Variants in LGSN observed in about 807,000 individuals in gnomAD.
The protein encoded by LGSN is lengsin.
In LGSN, 21 loss-of-function variants were observed where a neutral mutation model predicts 19.5. The ratio of observed to expected loss-of-function variants is 1.07; its 90% CI spans 0.76 to 1.55. The LOEUF (loss-of-function observed/expected upper bound fraction) is 1.55, where lower values mean the gene tolerates loss of function less well. Among genes scored for constraint, LGSN ranks in the 40% most tolerant of loss-of-function variants. LGSN has a pLI of 0.00. For missense variants in LGSN, 673 were observed against 608.5 expected, an observed-to-expected ratio of 1.11 and a Z score of -1.12; for synonymous variants, 257 against 215.6, an observed-to-expected ratio of 1.19 and a Z score of -1.68.
the LGSN span, among the ~76,000 whole-genome samples, chr6:63,472,948 TAAAATA>T: frequency 2.1e-3 from 321 of 150,576 alleles, 1 homozygote; most frequent in Non-Finnish European, 3.3e-3. Flanking sequence ...CTCAAAAAAA[TAAAATA>T]AAAATAAAAA....
chr6:63,296,473 C>T (rs546846579), intron 1 of LGSN, among the ~76,000 whole-genome samples: 6 of 150,992 alleles, frequency 4.0e-5, no homozygotes, highest in African/African-American at 7.3e-5. Flanking sequence ...TTGTTAAATG[C>T]ATATGTATAT....
chr6:63,277,600 C>T lies in LGSN; in HGVS notation c.*2421G>A, dbSNP rs1767136301. On this transcript the variant is annotated 3_prime_UTR_variant, in exon 4 of 4. Coordinates refer to ENST00000370657, the MANE Select transcript of LGSN (RefSeq NM_016571.3). ...GAAGTTTGGTTCTCTCTCAGGTAAA[C>T]ATCTGGATGTAGGCAAGTCAAACTG... 1.3e-5 allele frequency: 2 copies of T among 152,156 alleles called. No homozygotes were observed. Among genetic ancestry groups the T allele is most frequent in the East Asian group, 3.8e-4 (2 of 5,196 alleles). The allele number at this position is 152,156 out of a possible 1,614,324, so 9.4% of individuals were successfully genotyped here. A position where few individuals can be genotyped will look rare whatever the true frequency, so the allele number is the denominator to read the frequency against.
At chr6:63,354,067 T>C in the LGSN span, among the ~76,000 whole-genome samples, 4 of 152,034 alleles carry the variant, frequency 2.6e-5, no homozygotes, top group Admixed American at 2.6e-4. Context: ...GAGAAAACAC[T>C]TTAGGGCATT....
chr6:63,456,516 A>G, the LGSN span, among the ~76,000 whole-genome samples: 1 of 150,522 alleles, frequency 6.6e-6, no homozygotes, highest in African/African-American at 2.4e-5. Flanking sequence ...GAGCCACCAC[A>G]CAAACGATCT....
chr6:63,437,268 T>G, the LGSN span, among the ~76,000 whole-genome samples: 6 of 151,890 alleles, frequency 4.0e-5, no homozygotes, highest in Non-Finnish European at 7.4e-5. Flanking sequence ...ACCATTTTTT[T>G]TTTCGCCAAA....
the LGSN span, among the ~76,000 whole-genome samples, chr6:63,464,273 C>T: frequency 1.3e-5 from 2 of 152,128 alleles, no homozygotes; most frequent in African/African-American, 2.4e-5. Context: ...CAATCCCTCC[C>T]TCTTAGGGAA....
At chr6:63,347,893 A>G in the LGSN span, among the ~76,000 whole-genome samples, 1 of 152,240 alleles carries the variant, frequency 6.6e-6, no homozygotes, top group South Asian at 2.1e-4. Context: ...TCCATTAGTC[A>G]GGAATGACTT....
At chr6:63,544,171 C>T in the LGSN span, among the ~76,000 whole-genome samples, 1 of 152,176 alleles carries the variant, frequency 6.6e-6, no homozygotes, top group African/African-American at 2.4e-5. Flanking sequence ...GAGGGCTTTA[C>T]CACAAATCAT....
the LGSN span, among the ~76,000 whole-genome samples, chr6:63,492,202 G>T: frequency 6.6e-6 from 1 of 152,122 alleles, no homozygotes; most frequent in African/African-American, 2.4e-5. Context: ...ATGCAGGCAT[G>T]TGCATAACTT....
chr6:63,362,558 C>A, the LGSN span, among the ~76,000 whole-genome samples: 285 of 152,320 alleles, frequency 1.9e-3, 2 homozygotes, highest in South Asian at 5.8e-3. Context: ...TATCCCCCGC[C>A]TGGCTCAGAG....
chr6:63,454,330 C>T, the LGSN span, among the ~76,000 whole-genome samples: 2 of 152,106 alleles, frequency 1.3e-5, no homozygotes, highest in Non-Finnish European at 2.9e-5. Flanking sequence ...ATTCTTACCA[C>T]ATTTCTATGG....
the LGSN span, among the ~76,000 whole-genome samples, chr6:63,351,377 G>A: frequency 6.6e-6 from 1 of 152,078 alleles, no homozygotes; most frequent in African/African-American, 2.4e-5. Context: ...ATATCTCTGT[G>A]TGTGTGTGTG....
the LGSN span, among the ~76,000 whole-genome samples, chr6:63,327,787 C>A: frequency 6.6e-6 from 1 of 152,068 alleles, no homozygotes; most frequent in Non-Finnish European, 1.5e-5. Context: ...TTTCCTCTCT[C>A]TGTCTCTTTC....
At chr6:63,383,032 A>G in the LGSN span, among the ~76,000 whole-genome samples, 2 of 152,234 alleles carry the variant, frequency 1.3e-5, no homozygotes, top group African/African-American at 4.8e-5. Flanking sequence ...TATGTATCTC[A>G]AATTCAAAAG....
chr6:63,294,943 C>G lies in LGSN; in HGVS notation c.133G>C (p.Val45Leu). Residue 45 changes from valine to leucine, a missense_variant, in exon 2 of 4, where the codon GTG (valine) becomes CTG (leucine). Coordinates refer to ENST00000370657, the MANE Select transcript of LGSN (RefSeq NM_016571.3). ...VTKPYVCSTE[V>L]GETDMSNSND... ...GAATTGGACATATCCGTTTCTCCCA[C>G]TTCAGTTGAACAAACATATGGTTTA... 6.2e-7 allele frequency: 1 copy of G among 1,613,906 alleles called. No homozygotes were observed. Among genetic ancestry groups the G allele is most frequent in the South Asian group, 1.1e-5 (1 of 91,080 alleles).
the LGSN span, among the ~76,000 whole-genome samples, chr6:63,384,488 C>CTT: frequency 3.5e-5 from 4 of 114,534 alleles, no homozygotes; most frequent in African/African-American, 1.5e-4. Context: ...GAAATAACAC[C>CTT]TTGTGTGTGT....
the LGSN span, among the ~76,000 whole-genome samples, chr6:63,368,522 T>G: frequency 6.6e-6 from 1 of 152,122 alleles, no homozygotes; most frequent in South Asian, 2.1e-4. Flanking sequence ...CCTTCAAGCC[T>G]CTATTAAAAG....
the LGSN span, among the ~76,000 whole-genome samples, chr6:63,366,179 T>C: frequency 1.3e-5 from 2 of 152,144 alleles, no homozygotes; most frequent in Admixed American, 6.5e-5. Flanking sequence ...TGATTGTATA[T>C]TTAGAAAACC....
chr6:63,452,767 T>C, the LGSN span, among the ~76,000 whole-genome samples: 2 of 147,972 alleles, frequency 1.4e-5, no homozygotes, highest in African/African-American at 2.4e-5. Flanking sequence ...TTTTTTCTTC[T>C]TTTTTCTGCT....
Sources: gnomAD v4.1 joint callset for allele counts (sites outside exome capture counted in the v4.1 genomes callset) on GRCh38, gnomAD v4.1.1 for gene constraint, MANE v1.5 for transcripts, NCBI Gene and HGNC (gene_info 2026-07-23, HGNC 2026-07-21) for gene names.